The following GANC variants were observed in gnomAD, a reference collection of about 807,000 sequenced individuals.
The protein encoded by GANC is glucosidase alpha, neutral C, also known as neutral alpha-glucosidase C.
In GANC, 117 loss-of-function variants were observed where a neutral mutation model predicts 124.2. The ratio of observed to expected loss-of-function variants is 0.94; its 90% CI spans 0.81 to 1.10. The LOEUF is 1.10. Among genes scored for constraint, GANC ranks in the 50% least tolerant of loss-of-function variants. The pLI, the probability that GANC is intolerant of heterozygous loss-of-function variation, is 0.00. For synonymous variants in GANC, 377 were observed against 376.8 expected (o/e 1.00, Z -0.01); for missense variants, 1,140 against 1,095.0 (o/e 1.04, Z -0.58).
chr15:42,309,721 A>G (rs2141044373), intron 8 of GANC, among the ~76,000 whole-genome samples: 2 of 152,062 alleles, frequency 1.3e-5, no homozygotes, highest in South Asian at 4.2e-4. Context: ...AGAGTCCTCC[A>G]CTCAAAGGAT....
chr15:42,315,606 C>T (rs1416928087), intron 10 of GANC, among the ~76,000 whole-genome samples: 3 of 152,188 alleles, frequency 2.0e-5, no homozygotes, highest in Non-Finnish European at 2.9e-5. Flanking sequence ...ATAGAATTAC[C>T]ATATGACTCA....
chr15:42,347,029 A>T (rs1287034130), intron 20 of GANC, among the ~76,000 whole-genome samples: 1 of 152,038 alleles, frequency 6.6e-6, no homozygotes, highest in Non-Finnish European at 1.5e-5. Context: ...ACAGGTAAAA[A>T]ACCCTGAGAT....
At chr15:42,334,314 AC>A (rs1376937017) in intron 15 of GANC, among the ~76,000 whole-genome samples, 1 of 152,060 alleles carries the variant, frequency 6.6e-6, no homozygotes, top group Non-Finnish European at 1.5e-5. Context: ...GGTGCCCACC[AC>A]CACACCTGGC....
At chr15:42,337,821 G>A (rs1165524367) in intron 15 of GANC, among the ~76,000 whole-genome samples, 1 of 152,144 alleles carries the variant, frequency 6.6e-6, no homozygotes, top group Non-Finnish European at 1.5e-5. Context: ...CAGCACTTTG[G>A]GAAGCCAAGG....
rs1459389563 is a variant in GANC, at chr15:42,273,292, G to A, written c.-1190G>A. ...AATGTGCCATTTGGACCGGTCGGCA[G>A]CAGCTACGGTTGCCGGTCCCGCACT... On this transcript the variant is annotated 5_prime_UTR_variant, in exon 1 of 24. Coordinates refer to ENST00000318010, the MANE Select transcript of GANC (RefSeq NM_198141.3). 6.2e-7 allele frequency: 1 copy of A among 1,614,188 alleles called. No individual in the cohort carries two copies.
rs1566961704 is a variant in GANC, at chr15:42,343,001, A to G, written c.2153-77A>G. 2.5e-6 allele frequency: 3 copies of G among 1,191,692 alleles called. No individual in the cohort carries two copies. The East Asian group carries it at 7.3e-5, about 29-fold the overall frequency. The allele number at this position is 1,191,692 out of a possible 1,614,324, so 73.8% of individuals were successfully genotyped here. On this transcript the variant is annotated intron_variant, in intron 18 of 23. Transcript: ENST00000318010. ...GGAGGTCTGTAACACCATGATAGCT[A>G]GCACTCAGTTAAAGAGAAAGGAGAT...
intron 3 of GANC, chr15:42,284,281 A>T (rs1330160753): frequency 4.5e-6 from 2 of 446,876 alleles, no homozygotes; most frequent in Non-Finnish European, 8.0e-6. Flanking sequence ...GGTGAATAAA[A>T]AGTTTTTGTT....
intron 8 of GANC, among the ~76,000 whole-genome samples, chr15:42,308,858 A>G (rs1251706146): frequency 2.0e-5 from 3 of 152,152 alleles, no homozygotes; most frequent in Non-Finnish European, 4.4e-5. Context: ...GAACCTAGAA[A>G]TATAGAGGAA....
chr15:42,301,042 A>G lies in GANC; in HGVS notation c.558+3386A>G, dbSNP rs143030537. On this transcript the variant is annotated intron_variant, in intron 6 of 23. Transcript: ENST00000318010. ...TCAAAAAAAAAAAAAGAAAGAAAGAAAGAAAATGTGGTATGCTGTGGCTGG... is the reference window on the plus strand; with the variant it reads ...TCAAAAAAAAAAAAAGAAAGAAAGAGAGAAAATGTGGTATGCTGTGGCTGG... Among the ~76,000 whole-genome samples the G allele has an allele frequency of 4.7e-3, 707 of 151,926 alleles. 5 individuals are homozygous for G. The highest frequency in any genetic ancestry group is 0.016 in the African/African-American group (671 of 41,446).
At position 42,352,783 on chromosome 15, in the gene GANC, A is replaced by C. The variant is rs2052465428; in HGVS notation, c.*644A>C. ...CCATGTCTTTTACATTGTTTTTTTA[A>C]TTAAGTGCTGTTTACTAACCAAATA... is the stretch of plus-strand genomic sequence containing the variant. On this transcript the variant is annotated 3_prime_UTR_variant, in exon 24 of 24. Transcript: ENST00000318010. The C allele has an allele frequency of 1.7e-5, 16 of 926,846 alleles. No homozygotes were observed. Among genetic ancestry groups the C allele is most frequent in the Non-Finnish European group, 2.1e-5 (16 of 776,414 alleles). 57.4% of individuals were successfully genotyped at this position (926,846 alleles called of 1,614,324 possible).
intron 23 of GANC, 41 bp from the exon 24 acceptor site, chr15:42,351,989 G>A (rs767110767): frequency 6.2e-7 from 1 of 1,611,698 alleles, no homozygotes. Context: ...CCCTTCTAGA[G>A]ATTCATCAAA....
rs1369571828 is a variant in GANC, at chr15:42,321,973, C to T, written c.1246C>T (p.Pro416Ser). 1 of 1,613,934 alleles carries T rather than the reference C, an allele frequency of 6.2e-7. No homozygotes were observed. Among genetic ancestry groups the T allele is most frequent in the Non-Finnish European group, 8.5e-7 (1 of 1,179,920 alleles). ...RYFTWDKNRFPNPKRMQELLR... is the reference protein window; with the variant it reads ...RYFTWDKNRFSNPKRMQELLR... ...CTTCACCTGGGACAAAAACAGATTC[C>T]CAAACCCCAAGAGGATGCAAGAGCT... The change falls in exon 11 of 24, where the codon CCA becomes TCA. Residue 416 changes from proline (P) to serine (S), a missense_variant. Physicochemically the swap from Pro to Ser is moderately conservative, Grantham distance 74. Transcript: ENST00000318010.
rs753685681 is a variant in GANC, at chr15:42,329,302, C to G, written c.1501-4C>G. On this transcript the variant is annotated splice_polypyrimidine_tract_variant and splice_region_variant and intron_variant, in intron 13 of 23. Coordinates refer to ENST00000318010, the MANE Select transcript of GANC (RefSeq NM_198141.3). ...GAGTGTCATGACCAAGGTTTACTTCCTAGGGATCTACGGACATCCTCTTCC... is the reference window on the plus strand; with the variant it reads ...GAGTGTCATGACCAAGGTTTACTTCGTAGGGATCTACGGACATCCTCTTCC... The G allele has an allele frequency of 1.2e-6, 2 of 1,611,140 alleles. No individual in the cohort carries two copies. Among genetic ancestry groups the G allele is most frequent in the Admixed American group, 3.4e-5 (2 of 59,378 alleles).
chr15:42,283,512 T>C (rs1315947388), intron 3 of GANC: 6 of 628,932 alleles, frequency 9.5e-6, no homozygotes, highest in Non-Finnish European at 1.7e-5. Context: ...ATAGCATTGC[T>C]AGCAAGGATG....
chr15:42,339,493 C>G (rs1035081532), intron 16 of GANC, among the ~76,000 whole-genome samples, 176 bp from the exon 17 acceptor site: 1 of 152,136 alleles, frequency 6.6e-6, no homozygotes, highest in Non-Finnish European at 1.5e-5. Context: ...TGTCAGATCC[C>G]CAAACAGGCT....
At chr15:42,281,289 C>T (rs1018928213) in intron 3 of GANC, among the ~76,000 whole-genome samples, 3 of 152,178 alleles carry the variant, frequency 2.0e-5, no homozygotes, top group African/African-American at 7.2e-5. Flanking sequence ...CTAGTAGGTA[C>T]ATAAGGTTTC....
At chr15:42,340,413 C>T (rs1052985935) in intron 17 of GANC, among the ~76,000 whole-genome samples, 1 of 151,968 alleles carries the variant, frequency 6.6e-6, no homozygotes, top group African/African-American at 2.4e-5. Context: ...TCGAGACCAG[C>T]CTGACCAATA....
intron 4 of GANC, 117 bp from the exon 5 acceptor site, chr15:42,292,618 A>G (rs541132165): frequency 7.0e-6 from 7 of 1,003,242 alleles, no homozygotes; most frequent in Admixed American, 5.4e-5. Flanking sequence ...CTGTTGCCTT[A>G]TCTATGGCTA....
chr15:42,295,589 C>T (rs183145864), intron 5 of GANC, among the ~76,000 whole-genome samples: 1 of 150,104 alleles, frequency 6.7e-6, no homozygotes, highest in Admixed American at 6.7e-5. Flanking sequence ...ACATTTTAAG[C>T]TTTGATTCTA....
Sources: gnomAD v4.1 joint callset for allele counts (sites outside exome capture counted in the v4.1 genomes callset) on GRCh38, gnomAD v4.1.1 for gene constraint, MANE v1.5 for transcripts, NCBI Gene and HGNC (gene_info 2026-07-23, HGNC 2026-07-21) for gene names.